The following KHDRBS2 variants were observed in gnomAD, a reference collection of about 807,000 sequenced individuals.
The protein encoded by KHDRBS2 is KH RNA binding domain containing, signal transduction associated 2, also known as KH domain-containing, RNA-binding, signal transduction-associated protein 2.
A neutral mutation model predicts 44.3 loss-of-function variants in KHDRBS2; 26 were observed. That is an observed-to-expected ratio of 0.59 (90% CI 0.43 to 0.81). The LOEUF is 0.81. KHDRBS2 is among the 40% of genes least tolerant of loss of function. The probability of loss-of-function intolerance (pLI) is 0.00; values close to 1 mark genes in which losing one functional copy is unlikely to be tolerated. For synonymous variants in KHDRBS2, 194 were observed against 151.1 expected, an observed-to-expected ratio of 1.28 and a Z score of -2.08; for missense variants, 476 against 433.1, an observed-to-expected ratio of 1.10 and a Z score of -0.88.
Position 61,955,822 on chromosome 6 carries a change from C to T in KHDRBS2, c.483+22244G>A, listed in dbSNP as rs115782919. On this transcript the variant is annotated intron_variant, in intron 4 of 8. Transcript: ENST00000281156. ...AGTGCCAATCATGTATTTCAATGCT[C>T]AGAAAGATCCTATGAGGTCAGCACT... 3.9e-3 allele frequency among the ~76,000 whole-genome samples: 585 copies of T among 151,880 alleles called. 2 individuals are homozygous for T. Among genetic ancestry groups the T allele is most frequent in the Middle Eastern group, 0.017 (5 of 292 alleles).
chr6:61,754,881 C>T (rs1309987189), intron 6 of KHDRBS2, among the ~76,000 whole-genome samples: 3 of 152,166 alleles, frequency 2.0e-5, no homozygotes, highest in African/African-American at 7.2e-5. Context: ...CAATGATTTG[C>T]AGCCTTCAGA....
At chr6:62,064,310 C>G (rs955083946) in intron 2 of KHDRBS2, among the ~76,000 whole-genome samples, 1 of 149,840 alleles carries the variant, frequency 6.7e-6, no homozygotes, top group Non-Finnish European at 1.5e-5. Flanking sequence ...AAAAAAAGAG[C>G]CCACATCGCC....
At chr6:62,228,112 T>C (rs1465500385) in intron 1 of KHDRBS2, among the ~76,000 whole-genome samples, 1 of 152,210 alleles carries the variant, frequency 6.6e-6, no homozygotes, top group Non-Finnish European at 1.5e-5. Flanking sequence ...CAGCTCCTCT[T>C]TGTACCCCTG....
rs749286117 is a variant in KHDRBS2 at position 62,260,857 on chromosome 6, G to A, written c.91+25001C>T. 4.0e-5 allele frequency among the ~76,000 whole-genome samples: 6 copies of A among 151,668 alleles called. No individual in the cohort carries two copies. In the East Asian group the frequency reaches 5.8e-4, roughly 15 times the overall value. On this transcript the variant is annotated intron_variant, in intron 1 of 8. Coordinates refer to ENST00000281156, the MANE Select transcript of KHDRBS2 (RefSeq NM_152688.4). ...ATACCTAAATAAAAATATAAGAACC[G>A]GGCAAAATTAAGACATACTTGTTAA...
intron 2 of KHDRBS2, 142 bp downstream of exon 2, chr6:62,177,043 C>A (rs1821237521): frequency 4.4e-6 from 2 of 452,604 alleles, no homozygotes; most frequent in Non-Finnish European, 7.4e-6. Flanking sequence ...GTTTTCCTTC[C>A]CCTATGTCAG....
At chr6:62,227,240 C>T (rs1020022245) in intron 1 of KHDRBS2, among the ~76,000 whole-genome samples, 7 of 152,152 alleles carry the variant, frequency 4.6e-5, no homozygotes, top group Non-Finnish European at 4.4e-5. Flanking sequence ...TCCTTCACAT[C>T]CCTGGTTAGC....
chr6:61,953,407 C>T (rs1765185787), intron 4 of KHDRBS2, among the ~76,000 whole-genome samples: 1 of 151,868 alleles, frequency 6.6e-6, no homozygotes, highest in Non-Finnish European at 1.5e-5. Flanking sequence ...TTTGAAATTT[C>T]CCCCATCTCT....
chr6:62,226,137 A>G (rs567023821), intron 1 of KHDRBS2, among the ~76,000 whole-genome samples: 12 of 152,330 alleles, frequency 7.9e-5, no homozygotes, highest in Middle Eastern at 3.4e-3. Context: ...TGGTTGAACT[A>G]ATTTACATTC....
chr6:62,080,363 G>C (rs1797159824), intron 2 of KHDRBS2, among the ~76,000 whole-genome samples: 1 of 151,974 alleles, frequency 6.6e-6, no homozygotes, highest in Non-Finnish European at 1.5e-5. Context: ...ATGTACCCAA[G>C]TTTTCAAGGA....
chr6:62,118,730 C>T (rs906083474), intron 2 of KHDRBS2, among the ~76,000 whole-genome samples: 1 of 152,094 alleles, frequency 6.6e-6, no homozygotes, highest in African/African-American at 2.4e-5. Flanking sequence ...AGTCTTCCAG[C>T]CTTCATCTTT....
intron 4 of KHDRBS2, among the ~76,000 whole-genome samples, chr6:61,969,744 G>C (rs181939816): frequency 6.6e-6 from 1 of 151,928 alleles, no homozygotes; most frequent in Non-Finnish European, 1.5e-5. Context: ...AATCCCTTCA[G>C]TATGCTATGG....
intron 1 of KHDRBS2, among the ~76,000 whole-genome samples, chr6:62,285,521 A>G (rs1842363997): frequency 6.6e-6 from 1 of 152,156 alleles, no homozygotes; most frequent in African/African-American, 2.4e-5. Flanking sequence ...TTTACTTCCA[A>G]ACTGCTTTCC....
At chr6:62,058,068 T>C (rs1428855745) in intron 2 of KHDRBS2, among the ~76,000 whole-genome samples, 1 of 151,938 alleles carries the variant, frequency 6.6e-6, no homozygotes, top group Admixed American at 6.6e-5. Flanking sequence ...CATTAAAACA[T>C]CTTTTCTTTT....
At chr6:61,568,008 T>C in the KHDRBS2 span, among the ~76,000 whole-genome samples, 1 of 152,174 alleles carries the variant, frequency 6.6e-6, no homozygotes, top group Non-Finnish European at 1.5e-5. Flanking sequence ...CTTGAGTTAA[T>C]TTTTGTATAT....
intron 1 of KHDRBS2, among the ~76,000 whole-genome samples, chr6:62,235,316 C>T (rs999231226): frequency 3.9e-5 from 6 of 151,912 alleles, no homozygotes; most frequent in Admixed American, 2.6e-4. Context: ...GTACCACAAC[C>T]TTCCAAATGC....
intron 2 of KHDRBS2, among the ~76,000 whole-genome samples, chr6:62,069,042 A>G (rs1794396763): frequency 6.6e-6 from 1 of 151,638 alleles, no homozygotes; most frequent in Non-Finnish European, 1.5e-5. Flanking sequence ...AGGGATTTTG[A>G]TACAGATTGG....
the KHDRBS2 span, among the ~76,000 whole-genome samples, chr6:61,613,334 A>T: frequency 1.3e-5 from 2 of 152,166 alleles, no homozygotes; most frequent in East Asian, 3.9e-4. Context: ...AAGTGAATGA[A>T]TGTCTACGTG....
intron 1 of KHDRBS2, among the ~76,000 whole-genome samples, chr6:62,260,461 C>T (rs1290486341): frequency 1.3e-5 from 2 of 151,942 alleles, no homozygotes; most frequent in Non-Finnish European, 2.9e-5. Context: ...GTGGCAGCCA[C>T]CCATGGATTT....
intron 3 of KHDRBS2, among the ~76,000 whole-genome samples, chr6:61,978,928 A>G (rs752310672): frequency 2.0e-5 from 3 of 152,186 alleles, no homozygotes; most frequent in Non-Finnish European, 4.4e-5. Flanking sequence ...TTTTAATGGC[A>G]TTATTTTTAA....
Sources: allele counts gnomAD v4.1 joint callset (sites outside exome capture counted in the v4.1 genomes callset), GRCh38; gene constraint gnomAD v4.1.1; transcripts MANE v1.5; gene names NCBI Gene and HGNC (gene_info 2026-07-23, HGNC 2026-07-21).